Variants in LRP1B observed in about 807,000 individuals in gnomAD.
LRP1B encodes the protein low-density lipoprotein receptor-related protein 1B.
In LRP1B, 217 loss-of-function variants were observed where a neutral mutation model predicts 556.6. The observed-to-expected ratio is 0.39, with a 90% CI of 0.35 to 0.44. LRP1B has a LOEUF of 0.44. Among genes scored for constraint, LRP1B ranks in the 20% least tolerant of loss-of-function variants. The pLI is 1.00. For synonymous variants in LRP1B, 2,047 were observed against 1,865.8 expected (o/e 1.10, Z -2.50); for missense variants, 5,053 against 5,620.8 (o/e 0.90, Z 3.23).
intron 1 of LRP1B, among the ~76,000 whole-genome samples, chr2:141,861,662 G>C (rs1173359499): frequency 6.6e-6 from 1 of 152,184 alleles, no homozygotes; most frequent in Non-Finnish European, 1.5e-5. Context: ...GGGCACAGTG[G>C]CTCACACCTG....
chr2:141,811,285 G>A (rs951426873), intron 1 of LRP1B, among the ~76,000 whole-genome samples: 4 of 151,482 alleles, frequency 2.6e-5, no homozygotes, highest in African/African-American at 9.7e-5. Context: ...TATTTCACTG[G>A]TAATTTTGTT....
chr2:141,713,664 A>G (rs1186356059), intron 2 of LRP1B, among the ~76,000 whole-genome samples: 1 of 152,224 alleles, frequency 6.6e-6, no homozygotes, highest in Non-Finnish European at 1.5e-5. Context: ...CCACCCAAAT[A>G]ACATTCAAAT....
At chr2:141,564,782 C>G (rs1042911656) in intron 2 of LRP1B, among the ~76,000 whole-genome samples, 1 of 152,036 alleles carries the variant, frequency 6.6e-6, no homozygotes. Flanking sequence ...AAGTAGTACA[C>G]TCTAATGATT....
chr2:141,255,960 T>C (rs1192447431), intron 3 of LRP1B, among the ~76,000 whole-genome samples: 1 of 151,896 alleles, frequency 6.6e-6, no homozygotes, highest in Non-Finnish European at 1.5e-5. Flanking sequence ...ATTGAGCACA[T>C]AGTCAATGCT....
intron 75 of LRP1B, among the ~76,000 whole-genome samples, chr2:140,353,762 T>A (rs902659762): frequency 6.6e-6 from 1 of 152,076 alleles, no homozygotes; most frequent in South Asian, 2.1e-4. Flanking sequence ...CTTGAGGACA[T>A]AAATTATGAT....
At chr2:140,875,795 T>C (rs1014185683) in intron 25 of LRP1B, among the ~76,000 whole-genome samples, 3 of 152,158 alleles carry the variant, frequency 2.0e-5, no homozygotes, top group Admixed American at 2.0e-4. Flanking sequence ...GCTGTATTTG[T>C]ATATGTTATT....
chr2:140,505,893 T>A (rs1326445482), intron 53 of LRP1B, among the ~76,000 whole-genome samples: 1 of 152,210 alleles, frequency 6.6e-6, no homozygotes. Context: ...ACGAAAACAT[T>A]AAGTTCACAT....
intron 79 of LRP1B, among the ~76,000 whole-genome samples, chr2:140,331,965 G>C (rs1015298375): frequency 6.6e-6 from 1 of 151,856 alleles, no homozygotes; most frequent in Non-Finnish European, 1.5e-5. Flanking sequence ...CCAAATTGCT[G>C]GGATTACAGA....
At chr2:141,478,802 C>T (rs1224496058) in intron 3 of LRP1B, among the ~76,000 whole-genome samples, 4 of 152,100 alleles carry the variant, frequency 2.6e-5, no homozygotes, top group Admixed American at 2.6e-4. Context: ...GCTTGGGCCT[C>T]CCAAAGTGCT....
chr2:141,434,702 G>C (rs1680689288), intron 3 of LRP1B, among the ~76,000 whole-genome samples: 1 of 152,112 alleles, frequency 6.6e-6, no homozygotes. Context: ...GGACATTTTA[G>C]ATATTGTAGC....
intron 3 of LRP1B, among the ~76,000 whole-genome samples, chr2:141,394,721 T>C (rs1216669782): frequency 6.6e-6 from 1 of 152,104 alleles, no homozygotes; most frequent in Non-Finnish European, 1.5e-5. Flanking sequence ...TTTTAAATTT[T>C]GAACTTTAAA....
intron 7 of LRP1B, among the ~76,000 whole-genome samples, chr2:141,172,078 T>C (rs1680522919): frequency 6.6e-6 from 1 of 152,110 alleles, no homozygotes; most frequent in East Asian, 1.9e-4. Context: ...TTTAGATAAA[T>C]GATGGTAGCG....
At chr2:141,141,121 A>C (rs1239221007) in intron 7 of LRP1B, among the ~76,000 whole-genome samples, 1 of 152,100 alleles carries the variant, frequency 6.6e-6, no homozygotes, top group Non-Finnish European at 1.5e-5. Flanking sequence ...ATTAATTAAA[A>C]CGTCTGAAAC....
Position 141,976,422 on chromosome 2 carries a change from T to A in LRP1B, c.82+154226A>T, listed in dbSNP as rs1184327651. Among the ~76,000 whole-genome samples the A allele has an allele frequency of 2.0e-5, 3 of 152,166 alleles. No homozygotes were observed. The East Asian group carries it at 5.8e-4, about 29-fold the overall frequency. ...CAATATCCTTTCATTTACTCAAATT[T>A]CAATTAACGAACTTTTGCAAACCTA... On this transcript the variant is annotated intron_variant, in intron 1 of 90. Coordinates refer to ENST00000389484, the MANE Select transcript of LRP1B (RefSeq NM_018557.3).
At chr2:141,718,721 C>A (rs552517337) in intron 2 of LRP1B, among the ~76,000 whole-genome samples, 1 of 152,044 alleles carries the variant, frequency 6.6e-6, no homozygotes, top group African/African-American at 2.4e-5. Context: ...GCATTTAAAA[C>A]GTTAGTCTGT....
chr2:141,769,123 T>C (rs2105611217), intron 2 of LRP1B, among the ~76,000 whole-genome samples: 1 of 152,264 alleles, frequency 6.6e-6, no homozygotes, highest in East Asian at 1.9e-4. Context: ...CCAGAGCACC[T>C]TATTCTAGTG....
chr2:140,819,196 G>C (rs997652061), intron 31 of LRP1B, among the ~76,000 whole-genome samples: 1 of 149,664 alleles, frequency 6.7e-6, no homozygotes, highest in Non-Finnish European at 1.5e-5. Flanking sequence ...TTTATGAGTG[G>C]TATAAATGTT....
intron 66 of LRP1B, among the ~76,000 whole-genome samples, chr2:140,394,195 C>A (rs1436608002): frequency 2.1e-5 from 3 of 142,104 alleles, no homozygotes; most frequent in Admixed American, 1.5e-4. Flanking sequence ...TTTTAATCAG[C>A]TTTCATTTTT....
At chr2:141,473,318 G>A (rs1327700863) in intron 3 of LRP1B, among the ~76,000 whole-genome samples, 1 of 152,088 alleles carries the variant, frequency 6.6e-6, no homozygotes, top group African/African-American at 2.4e-5. Flanking sequence ...TCCTCCATAA[G>A]TGCACAATCC....
Sources: allele counts gnomAD v4.1 joint callset (sites outside exome capture counted in the v4.1 genomes callset), GRCh38; gene constraint gnomAD v4.1.1; transcripts MANE v1.5; gene names NCBI Gene and HGNC (gene_info 2026-07-23, HGNC 2026-07-21).